The following PPARA variants were observed in gnomAD, a reference collection of about 807,000 sequenced individuals.
The protein encoded by PPARA is peroxisome proliferator activated receptor alpha.
A neutral mutation model predicts 42.2 loss-of-function variants in PPARA; 22 were observed. That is an observed-to-expected ratio of 0.52 (90% CI 0.37 to 0.74). The LOEUF is 0.74. Among genes scored for constraint, PPARA ranks in the 30% least tolerant of loss-of-function variants. The pLI is 0.00. For synonymous variants in PPARA, 242 were observed against 239.3 expected (o/e 1.01, Z -0.10); for missense variants, 465 against 608.2 (o/e 0.76, Z 2.48).
chr22:46,215,280 G>C lies in PPARA; in HGVS notation c.316G>C (p.Gly106Arg). 1.2e-6 allele frequency: 2 copies of C among 1,614,156 alleles called. No individual in the cohort carries two copies. Residue 106 changes from glycine (G) to arginine (R), a missense_variant, in exon 5 of 9, where the codon GGG becomes CGG. Gly to Arg is a moderately radical substitution (Grantham distance 125, BLOSUM62 -2). Transcript: ENST00000407236. Reference protein sequence around the residue: ...GALNIECRICGDKASGYHYGV... With the variant: ...GALNIECRICRDKASGYHYGV... ...ATTGAACATCGAATGTAGAATCTGC[G>C]GGGACAAGGCCTCAGGCTATCATTA...
intron 4 of PPARA, among the ~76,000 whole-genome samples, chr22:46,205,279 T>G (rs1933119247): frequency 6.8e-6 from 1 of 148,096 alleles, no homozygotes; most frequent in Non-Finnish European, 1.5e-5. Context: ...TTCAGTGGCA[T>G]GATCTCAGCT....
chr22:46,155,935 CG>C (rs2147101301), intron 2 of PPARA: 1 of 152,314 alleles, frequency 6.6e-6, no homozygotes, highest in African/African-American at 2.4e-5. Context: ...CAGACAGGAC[CG>C]GATTTGCTCG....
In PPARA at chr22:46,208,201, T is replaced by A. The variant is rs377451486; in HGVS notation, c.209-6972T>A. 3.9e-4 allele frequency among the ~76,000 whole-genome samples: 59 copies of A among 152,244 alleles called. 1 individual carries two copies. In the South Asian group the frequency reaches 5.6e-3, roughly 14 times the overall value. On this transcript the variant is annotated intron_variant, in intron 4 of 8. Transcript: ENST00000407236. ...ATGTTTACATTGTGGAATGTGTAAA[T>A]CAAGCTAGTGAACATATCCACCACC...
At chr22:46,177,014 T>C (rs190182859) in intron 3 of PPARA, among the ~76,000 whole-genome samples, 178 bp downstream of exon 3, 35 of 152,242 alleles carry the variant, frequency 2.3e-4, no homozygotes, top group Middle Eastern at 3.4e-3. Flanking sequence ...ATTGAGACCA[T>C]CCTGGCTAAC....
At chr22:46,168,090 C>T (rs538933145) in intron 2 of PPARA, among the ~76,000 whole-genome samples, 11 of 151,728 alleles carry the variant, frequency 7.2e-5, no homozygotes, top group South Asian at 2.1e-4. Context: ...CAGTGGCTCA[C>T]GCCTGTAATC....
intron 3 of PPARA, among the ~76,000 whole-genome samples, chr22:46,186,105 T>C (rs758998959): frequency 6.6e-6 from 1 of 151,192 alleles, no homozygotes; most frequent in African/African-American, 2.4e-5. Context: ...CTTTTCTCTT[T>C]CCTTTAAAAC....
Position 46,211,867 on chromosome 22 carries a change from A to G in PPARA, c.209-3306A>G, listed in dbSNP as rs1194565930. Among the ~76,000 whole-genome samples the G allele has an allele frequency of 6.6e-6, 1 of 151,904 alleles. No homozygotes were observed. The highest frequency in any genetic ancestry group is 1.5e-5 in the Non-Finnish European group (1 of 67,988). On this transcript the variant is annotated intron_variant, in intron 4 of 8. Transcript: ENST00000407236. The surrounding 1 kb of genome is among the most constrained non-coding windows in gnomAD (Gnocchi z 4.1). ...CCCCTGGCTAACTTTTTGTATTTTT[A>G]CAAAATACAAAAGACGATGTTTCAC...
At chr22:46,205,157 C>A (rs1464121119) in intron 4 of PPARA, among the ~76,000 whole-genome samples, 1 of 151,780 alleles carries the variant, frequency 6.6e-6, no homozygotes. Flanking sequence ...AGCCATCATG[C>A]CCGACCAGTT....
Position 46,224,485 on chromosome 22 carries a change from G to A in PPARA, c.711+4471G>A, listed in dbSNP as rs1357182026. 2.0e-5 allele frequency among the ~76,000 whole-genome samples: 3 copies of A among 152,152 alleles called. No individual in the cohort carries two copies. The highest frequency in any genetic ancestry group is 4.4e-5 in the Non-Finnish European group (3 of 68,014). On this transcript the variant is annotated intron_variant, in intron 7 of 8. Transcript: ENST00000407236. The surrounding 1 kb of genome is among the most constrained non-coding windows in gnomAD (Gnocchi z 5.7). ...TGTTAGGGAGACCAAGCAGCGGCCT[G>A]GAAACACCTTGATCTCTGCCCAGTG...
chr22:46,201,120 G>A (rs1340562975), intron 4 of PPARA, among the ~76,000 whole-genome samples: 4 of 136,268 alleles, frequency 2.9e-5, no homozygotes, highest in East Asian at 2.0e-4. Flanking sequence ...GCAAGATTCC[G>A]TCTCAAAAAA....
In PPARA at chr22:46,198,331, T is replaced by A; in HGVS notation, c.-42-11T>A. On this transcript the variant is annotated splice_polypyrimidine_tract_variant and intron_variant, in intron 3 of 8. Transcript: ENST00000407236. ...ACGTCAGTCTTACCAATTGTTCCTC[T>A]TTCCTCCCAGTAGCTTGGAGCTCGG... 4.0e-6 allele frequency: 6 copies of A among 1,512,702 alleles called. No individual in the cohort carries two copies. Among genetic ancestry groups the A allele is most frequent in the Non-Finnish European group, 5.5e-6 (6 of 1,089,110 alleles). 93.7% of individuals were successfully genotyped at this position (1,512,702 alleles called of 1,614,324 possible).
intron 3 of PPARA, among the ~76,000 whole-genome samples, chr22:46,197,508 G>A (rs975539459): frequency 1.5e-4 from 23 of 152,190 alleles, no homozygotes; most frequent in Non-Finnish European, 8.8e-5. Flanking sequence ...CTTTCTCAGC[G>A]TGCTGATCAA....
Position 46,203,785 on chromosome 22 carries a change from C to G in PPARA, c.208+5194C>G, listed in dbSNP as rs909344060. On this transcript the variant is annotated intron_variant, in intron 4 of 8. Transcript: ENST00000407236. The surrounding 1 kb of genome is among the most constrained non-coding windows in gnomAD (Gnocchi z 5.8). ...CTTCCCGTGGCTCCACCCCATTCTC[C>G]CAATGCCCAGGTGGGTCCCCGTCCC... Among the ~76,000 whole-genome samples, 1 of 152,240 alleles carries G rather than the reference C, an allele frequency of 6.6e-6. No individual in the cohort carries two copies. The highest frequency in any genetic ancestry group is 1.5e-5 in the Non-Finnish European group (1 of 68,046).
chr22:46,191,157 G>A lies in PPARA; in HGVS notation c.-42-7185G>A, dbSNP rs939471341. Among the ~76,000 whole-genome samples the A allele has an allele frequency of 6.6e-6, 1 of 152,140 alleles. No homozygotes were observed. Among genetic ancestry groups the A allele is most frequent in the African/African-American group, 2.4e-5 (1 of 41,426 alleles). ...TGCAGTGAGCCGAGATTGCACAACT[G>A]CACTCCAGCCTGGGTGACAGAGTGA... is the stretch of plus-strand genomic sequence containing the variant. On this transcript the variant is annotated intron_variant, in intron 3 of 8. Coordinates refer to ENST00000407236, the MANE Select transcript of PPARA (RefSeq NM_005036.6). The surrounding 1 kb of genome is among the most constrained non-coding windows in gnomAD (Gnocchi z 4.6).
rs1292826192 is a variant in PPARA at position 46,195,767 on chromosome 22, C to T, written c.-42-2575C>T. Among the ~76,000 whole-genome samples the T allele has an allele frequency of 1.3e-5, 2 of 152,114 alleles. No individual in the cohort carries two copies. The highest frequency in any genetic ancestry group is 6.6e-5 in the Admixed American group (1 of 15,262). On this transcript the variant is annotated intron_variant, in intron 3 of 8. Coordinates refer to ENST00000407236, the MANE Select transcript of PPARA (RefSeq NM_005036.6). This position sits in a 1 kb window ranked among gnomAD's most constrained non-coding sequence, Gnocchi z 4.6. ...GCGTTCCGTAATCACCATGTGATGA[C>T]GGCTGCCCTGACAGTGGCTGGTAGC...
rs1322046642 is a variant in PPARA, at chr22:46,190,371, T to C, written c.-42-7971T>C. Among the ~76,000 whole-genome samples, 2 of 152,164 alleles carry C rather than the reference T, an allele frequency of 1.3e-5. No individual in the cohort carries two copies. Among genetic ancestry groups the C allele is most frequent in the East Asian group, 1.9e-4 (1 of 5,186 alleles). On this transcript the variant is annotated intron_variant, in intron 3 of 8. Transcript: ENST00000407236. The surrounding 1 kb of genome is among the most constrained non-coding windows in gnomAD (Gnocchi z 5.6). ...AGCATATTAAGTGGTTACAATACAG[T>C]AAATTAGAGGGAGTAGTACAGAAGC...
rs1180653930 is a variant in PPARA, at chr22:46,200,684, G to C, written c.208+2093G>C. Reference sequence around the variant, plus strand: ...TAATCCCAACACTTTGGGAGGCTGAGGCAGGCGGATCACCCGAGGTCAGGA... The same window carrying C: ...TAATCCCAACACTTTGGGAGGCTGACGCAGGCGGATCACCCGAGGTCAGGA... On this transcript the variant is annotated intron_variant, in intron 4 of 8. Coordinates refer to ENST00000407236, the MANE Select transcript of PPARA (RefSeq NM_005036.6). This position sits in a 1 kb window ranked among gnomAD's most constrained non-coding sequence, Gnocchi z 4.8. 6.6e-6 allele frequency among the ~76,000 whole-genome samples: 1 copy of C among 152,252 alleles called. No homozygotes were observed. Among genetic ancestry groups the C allele is most frequent in the East Asian group, 1.9e-4 (1 of 5,206 alleles).
At chr22:46,214,495 C>T (rs1404125943) in intron 4 of PPARA, among the ~76,000 whole-genome samples, 5 of 126,076 alleles carry the variant, frequency 4.0e-5, no homozygotes, top group African/African-American at 6.2e-5. Flanking sequence ...CGGAGATGCG[C>T]GGGTCCGGAA....
intron 4 of PPARA, among the ~76,000 whole-genome samples, chr22:46,214,479 G>C (rs930171046): frequency 1.3e-5 from 2 of 150,036 alleles, no homozygotes; most frequent in Non-Finnish European, 3.0e-5. Flanking sequence ...CAGGAGATGG[G>C]CGAATCGGAG....
Sources: allele counts gnomAD v4.1 joint callset (sites outside exome capture counted in the v4.1 genomes callset), GRCh38; gene constraint gnomAD v4.1.1; non-coding constraint Gnocchi (gnomAD v3.1); transcripts MANE v1.5; gene names NCBI Gene and HGNC (gene_info 2026-07-23, HGNC 2026-07-21).